Variants in ZNF514 observed in about 807,000 individuals in gnomAD.
The protein encoded by ZNF514 is zinc finger protein 514.
A neutral mutation model predicts 9.7 loss-of-function variants in ZNF514; 12 were observed. The ratio of observed to expected loss-of-function variants is 1.24; its 90% CI spans 0.79 to 2.01. The LOEUF is 2.01. Among genes scored for constraint, ZNF514 ranks in the 30% most tolerant of loss-of-function variants. The pLI is 0.00. For synonymous variants in ZNF514, 158 were observed against 163.7 expected (o/e 0.97, Z 0.27); for missense variants, 467 against 465.5 (o/e 1.00, Z -0.03).
At chr2:95,158,238 T>C (rs1259426577) in intron 1 of ZNF514, among the ~76,000 whole-genome samples, 1 of 152,148 alleles carries the variant, frequency 6.6e-6, no homozygotes, top group Non-Finnish European at 1.5e-5. Context: ...TTCTGGGCAA[T>C]GCCTCTGCTG....
chr2:95,141,229 A>G (rs1673201046), downstream of ZNF514, among the ~76,000 whole-genome samples: 1 of 152,182 alleles, frequency 6.6e-6, no homozygotes, highest in African/African-American at 2.4e-5. Context: ...TAATACAGGA[A>G]CCACATAACA....
In ZNF514 at chr2:95,145,099, C is replaced by A. The variant is rs1271559378; in HGVS notation, c.*4183G>T. 6.6e-6 allele frequency among the ~76,000 whole-genome samples: 1 copy of A among 152,108 alleles called. No homozygotes were observed. Among genetic ancestry groups the A allele is most frequent in the Non-Finnish European group, 1.5e-5 (1 of 68,026 alleles). On this transcript the variant is annotated 3_prime_UTR_variant, in exon 5 of 5. Coordinates refer to ENST00000295208, the MANE Select transcript of ZNF514 (RefSeq NM_032788.3). ...AGTCGGAAGCACTGAGAAAACTGGG[C>A]AACATAAGAGAAGCATGAGATGTGA...
Position 95,146,363 on chromosome 2 carries a change from CT to C in ZNF514, c.*2918del, listed in dbSNP as rs1673359835. On this transcript the variant is annotated 3_prime_UTR_variant, in exon 5 of 5. Coordinates refer to ENST00000295208, the MANE Select transcript of ZNF514 (RefSeq NM_032788.3). Reference sequence around the variant, plus strand: ...TATGATTACAAATGGTAAGATATGACTTCATATCAGTTTTCAAGAGAACACC... The same window carrying C: ...TATGATTACAAATGGTAAGATATGACTCATATCAGTTTTCAAGAGAACACC... 6.6e-6 allele frequency among the ~76,000 whole-genome samples: 1 copy of C among 152,074 alleles called. No homozygotes were observed. Among genetic ancestry groups the C allele is most frequent in the Non-Finnish European group, 1.5e-5 (1 of 68,016 alleles).
chr2:95,158,508 A>G (rs1446119328), intron 1 of ZNF514, among the ~76,000 whole-genome samples: 1 of 152,192 alleles, frequency 6.6e-6, no homozygotes, highest in Non-Finnish European at 1.5e-5. Flanking sequence ...GATACCCACC[A>G]TGTACACTGC....
At position 95,155,858 on chromosome 2, in the gene ZNF514, C is replaced by G. The variant is rs770992766; in HGVS notation, c.-7+1493G>C. Among the ~76,000 whole-genome samples the G allele has an allele frequency of 2.6e-5, 4 of 152,146 alleles. No individual in the cohort carries two copies. The East Asian group carries it at 7.7e-4, about 29-fold the overall frequency. ...CTGAGTGGAAACCCAAAGAGCCATC[C>G]CCGGGTTCTCACACTGCTCTTTCCC... On this transcript the variant is annotated intron_variant, in intron 2 of 4. Transcript: ENST00000295208.
chr2:95,151,059 TG>T (rs1210359035), intron 4 of ZNF514, among the ~76,000 whole-genome samples: 1 of 152,214 alleles, frequency 6.6e-6, no homozygotes, highest in Non-Finnish European at 1.5e-5. Flanking sequence ...ACATATAACA[TG>T]TATCATATTA....
chr2:95,127,229 G>C, the ZNF514 span, among the ~76,000 whole-genome samples: 1 of 152,152 alleles, frequency 6.6e-6, no homozygotes, highest in South Asian at 2.1e-4. Context: ...CCCTTCACTC[G>C]AGGGACTCTG....
chr2:95,157,313 G>A (rs781181837), intron 2 of ZNF514, 38 bp downstream of exon 2: 8 of 1,240,076 alleles, frequency 6.5e-6, no homozygotes, highest in African/African-American at 3.1e-5. Flanking sequence ...GCTAACCATC[G>A]TTCAGGCATT....
the ZNF514 span, among the ~76,000 whole-genome samples, chr2:95,126,045 T>C: frequency 6.6e-6 from 1 of 152,116 alleles, no homozygotes; most frequent in Admixed American, 6.6e-5. Context: ...GTGAGATTAT[T>C]AGATTGTGTG....
intron 3 of ZNF514, 84 bp from the exon 4 acceptor site, chr2:95,152,853 C>T: frequency 7.7e-7 from 1 of 1,298,574 alleles, no homozygotes; most frequent in Non-Finnish European, 1.1e-6. Flanking sequence ...TGGAGAAATA[C>T]TGTAGGCATG....
At chr2:95,128,459 G>A in the ZNF514 span, among the ~76,000 whole-genome samples, 1 of 151,988 alleles carries the variant, frequency 6.6e-6, no homozygotes, top group Non-Finnish European at 1.5e-5. Context: ...TGAGAGCTGA[G>A]GCAGGAGAAT....
chr2:95,130,599 C>A, the ZNF514 span, among the ~76,000 whole-genome samples: 2 of 152,202 alleles, frequency 1.3e-5, no homozygotes, highest in Admixed American at 6.5e-5. Flanking sequence ...ACGTTCCATG[C>A]TGAGAAAAAG....
At position 95,157,478 on chromosome 2, in the gene ZNF514, G is replaced by A. The variant is rs764154110; in HGVS notation, c.-95-39C>T. Reference sequence around the variant, plus strand: ...AGGAGACATAAGGGAAGCTGACCCAGCCAGCACACACAGCTCTCAGACTTC... The same window carrying A: ...AGGAGACATAAGGGAAGCTGACCCAACCAGCACACACAGCTCTCAGACTTC... On this transcript the variant is annotated intron_variant, in intron 1 of 4. Coordinates refer to ENST00000295208, the MANE Select transcript of ZNF514 (RefSeq NM_032788.3). 47 of 1,198,284 alleles carry A rather than the reference G, an allele frequency of 3.9e-5. No individual in the cohort carries two copies. The East Asian group carries it at 2.3e-3, about 58-fold the overall frequency. 74.2% of individuals were successfully genotyped at this position (1,198,284 alleles called of 1,614,324 possible). A position where few individuals can be genotyped will look rare whatever the true frequency, so the allele number is the denominator to read the frequency against.
In ZNF514 at chr2:95,146,026, C is replaced by T. The variant is rs1337041420; in HGVS notation, c.*3256G>A. On this transcript the variant is annotated 3_prime_UTR_variant, in exon 5 of 5. Coordinates refer to ENST00000295208, the MANE Select transcript of ZNF514 (RefSeq NM_032788.3). Reference sequence around the variant, plus strand: ...CTTATCAGACTTAAATCTATTTTGGCGTAAAACACTTTGATTTCTCTCAGG... The same window carrying T: ...CTTATCAGACTTAAATCTATTTTGGTGTAAAACACTTTGATTTCTCTCAGG... Among the ~76,000 whole-genome samples the T allele has an allele frequency of 6.6e-6, 1 of 152,112 alleles. No homozygotes were observed.
At chr2:95,127,205 G>C in the ZNF514 span, among the ~76,000 whole-genome samples, 1 of 152,198 alleles carries the variant, frequency 6.6e-6, no homozygotes, top group Non-Finnish European at 1.5e-5. Context: ...TTTCCTGAGA[G>C]GGGACCCAGC....
Position 95,147,806 on chromosome 2 carries a change from T to C in ZNF514, c.*1476A>G, listed in dbSNP as rs2104461459. The C allele has an allele frequency of 6.6e-6, 1 of 152,178 alleles. No individual in the cohort carries two copies. Among genetic ancestry groups the C allele is most frequent in the African/African-American group, 2.4e-5 (1 of 41,540 alleles). The allele number at this position is 152,178 out of a possible 1,614,324, so 9.4% of individuals were successfully genotyped here. ...GGCGCCCGCCACCATGCCTGGCTAATTTTTTTGTATTTTTAGGAGAGACAG... is the reference window on the plus strand; with the variant it reads ...GGCGCCCGCCACCATGCCTGGCTAACTTTTTTGTATTTTTAGGAGAGACAG... On this transcript the variant is annotated 3_prime_UTR_variant, in exon 5 of 5. Transcript: ENST00000295208.
At chr2:95,158,881 C>A (rs1478662684) in intron 1 of ZNF514, 5 of 1,289,698 alleles carry the variant, frequency 3.9e-6, no homozygotes, top group Admixed American at 4.6e-5. Context: ...ATTCCCCGGC[C>A]TCTTCCTGGG....
the ZNF514 span, among the ~76,000 whole-genome samples, chr2:95,128,677 T>A: frequency 1.7e-5 from 2 of 117,138 alleles, no homozygotes; most frequent in African/African-American, 3.4e-5. Context: ...GAAGAAGAAG[T>A]AAGAAGGAGG....
Position 95,159,117 on chromosome 2 carries a change from C to T in ZNF514, c.-96+123G>A, listed in dbSNP as rs573915161. The T allele has an allele frequency of 1.1e-5, 11 of 977,578 alleles. No homozygotes were observed. In the East Asian group the frequency reaches 6.2e-4, roughly 55 times the overall value. The allele number at this position is 977,578 out of a possible 1,614,324, so 60.6% of individuals were successfully genotyped here. ...GCCTGGGGGACACGGGGCATCCCCA[C>T]TAGGCGCGGCGGGGCCAGCGGACCT... On this transcript the variant is annotated intron_variant, in intron 1 of 4. Transcript: ENST00000295208.
Sources: allele counts gnomAD v4.1 joint callset (sites outside exome capture counted in the v4.1 genomes callset), GRCh38; gene constraint gnomAD v4.1.1; transcripts MANE v1.5; gene names NCBI Gene and HGNC (gene_info 2026-07-23, HGNC 2026-07-21).